The following FRAS1 variants were observed in gnomAD, a reference collection of about 807,000 sequenced individuals.
FRAS1 encodes the protein Fraser extracellular matrix complex subunit 1, also known as extracellular matrix organizing protein FRAS1.
A neutral mutation model predicts 435.2 loss-of-function variants in FRAS1; 290 were observed. The observed-to-expected ratio is 0.67, with a 90% confidence interval of 0.61 to 0.73. FRAS1 has a LOEUF of 0.73. FRAS1 is among the 30% of genes least tolerant of loss of function. The probability of loss-of-function intolerance (pLI) is 0.00; values close to 1 mark genes in which losing one functional copy is unlikely to be tolerated. For synonymous variants in FRAS1, 1,800 were observed against 1,851.0 expected (o/e 0.97, Z 0.71); for missense variants, 4,860 against 5,001.5 (o/e 0.97, Z 0.85).
chr4:78,319,041 T>TG, intron 18 of FRAS1, 55 bp downstream of exon 18: 1 of 1,557,496 alleles, frequency 6.4e-7, no homozygotes, highest in South Asian at 1.1e-5. Flanking sequence ...TCTTGAGAGA[T>TG]CCTGTGAGGT....
chr4:78,511,569 G>A (rs943061009), intron 64 of FRAS1, 63 bp downstream of exon 64: 1 of 1,202,118 alleles, frequency 8.3e-7, no homozygotes, highest in Non-Finnish European at 1.2e-6. Flanking sequence ...TCCTTTGTGT[G>A]TTTCCCAGGA....
chr4:78,533,663 CT>C (rs1245527791), intron 70 of FRAS1, among the ~76,000 whole-genome samples: 1 of 152,194 alleles, frequency 6.6e-6, no homozygotes, highest in South Asian at 2.1e-4. Context: ...GCTGGCACCT[CT>C]TTTTTTGCCT....
At chr4:78,298,276 T>C (rs1728241008) in intron 14 of FRAS1, among the ~76,000 whole-genome samples, 1 of 139,232 alleles carries the variant, frequency 7.2e-6, no homozygotes, top group African/African-American at 2.7e-5. Flanking sequence ...ATTTAAGGTA[T>C]ACAATGTGAT....
chr4:78,495,431 T>C (rs1233413445), intron 59 of FRAS1, among the ~76,000 whole-genome samples: 1 of 152,176 alleles, frequency 6.6e-6, no homozygotes, highest in Non-Finnish European at 1.5e-5. Flanking sequence ...TCATCTTTAC[T>C]ACAAAAATAA....
chr4:78,269,150 G>A (rs532769427), intron 9 of FRAS1, among the ~76,000 whole-genome samples: 2 of 152,274 alleles, frequency 1.3e-5, no homozygotes, highest in Admixed American at 1.3e-4. Flanking sequence ...AAGCCTGGAT[G>A]TACTAACTTC....
At chr4:78,518,737 C>T (rs572992491) in intron 66 of FRAS1, among the ~76,000 whole-genome samples, 1 of 152,280 alleles carries the variant, frequency 6.6e-6, no homozygotes, top group South Asian at 2.1e-4. Context: ...CAGGAAATTA[C>T]TGAAGTACGT....
At chr4:78,536,614 T>C (rs944247369) in intron 71 of FRAS1, among the ~76,000 whole-genome samples, 4 of 152,094 alleles carry the variant, frequency 2.6e-5, no homozygotes, top group Non-Finnish European at 5.9e-5. Context: ...ACCTGGAAAA[T>C]AGTATGAGTT....
chr4:78,100,374 A>C (rs1012987858), intron 2 of FRAS1, among the ~76,000 whole-genome samples: 1 of 152,234 alleles, frequency 6.6e-6, no homozygotes, highest in Non-Finnish European at 1.5e-5. Flanking sequence ...TCAGGCCAAG[A>C]AACAGTCAGT....
At chr4:78,151,259 A>G (rs1720648971) in intron 2 of FRAS1, among the ~76,000 whole-genome samples, 2 of 152,130 alleles carry the variant, frequency 1.3e-5, no homozygotes. Flanking sequence ...CACCTCAGTT[A>G]TACCTTAAAG....
Position 78,340,827 on chromosome 4 carries a change from C to T in FRAS1, c.2422+3010C>T, listed in dbSNP as rs145687054. Among the ~76,000 whole-genome samples, 26 of 152,276 alleles carry T rather than the reference C, an allele frequency of 1.7e-4. No individual in the cohort carries two copies. In the East Asian group the frequency reaches 2.7e-3, roughly 16 times the overall value. On this transcript the variant is annotated intron_variant, in intron 20 of 73. Coordinates refer to ENST00000512123, the MANE Select transcript of FRAS1 (RefSeq NM_025074.7). ...TTGCACATGTGCCCCTGTTTCCCTCCGCATGTCCTAATCTTCTCTTCTTAT... is the reference window on the plus strand; with the variant it reads ...TTGCACATGTGCCCCTGTTTCCCTCTGCATGTCCTAATCTTCTCTTCTTAT...
rs527400634 is a variant in FRAS1 at position 78,176,340 on chromosome 4, C to A, written c.109-61170C>A. Among the ~76,000 whole-genome samples the A allele has an allele frequency of 9.0e-4, 137 of 152,320 alleles. No homozygotes were observed. The Middle Eastern group carries it at 0.02, about 23-fold the overall frequency. ...TCCCTTTTAAAGTGCCTGCAGTAAT[C>A]ATTGCGCCCCTCCCATTGTGAGTAT... is the stretch of plus-strand genomic sequence containing the variant. On this transcript the variant is annotated intron_variant, in intron 2 of 73. Transcript: ENST00000512123.
chr4:78,536,274 A>G (rs187167544), intron 71 of FRAS1, among the ~76,000 whole-genome samples: 1 of 142,226 alleles, frequency 7.0e-6, no homozygotes, highest in East Asian at 2.0e-4. Context: ...ACAAATGCCT[A>G]CTTGTGTTTC....
At chr4:78,488,329 A>G (rs551265864) in intron 58 of FRAS1, among the ~76,000 whole-genome samples, 2 of 152,328 alleles carry the variant, frequency 1.3e-5, no homozygotes, top group African/African-American at 4.8e-5. Flanking sequence ...ATTTGAAAAT[A>G]AGATCTGGCA....
At chr4:78,249,381 G>T (rs184814997) in intron 4 of FRAS1, among the ~76,000 whole-genome samples, 9 of 131,090 alleles carry the variant, frequency 6.9e-5, no homozygotes, top group Non-Finnish European at 1.2e-4. Context: ...CAGTTGCAGT[G>T]GTATGATCTT....
At chr4:78,280,273 A>T (rs191643171) in intron 10 of FRAS1, among the ~76,000 whole-genome samples, 1 of 152,182 alleles carries the variant, frequency 6.6e-6, no homozygotes, top group Non-Finnish European at 1.5e-5. Flanking sequence ...AAGCACTGTG[A>T]TACTGAGACA....
At chr4:78,173,726 T>A (rs1468469228) in intron 2 of FRAS1, among the ~76,000 whole-genome samples, 2 of 152,248 alleles carry the variant, frequency 1.3e-5, no homozygotes, top group African/African-American at 4.8e-5. Context: ...TACTGATTAG[T>A]GTTAAGCACT....
rs558610059 is a variant in FRAS1, at chr4:78,170,842, C to A, written c.109-66668C>A. Among the ~76,000 whole-genome samples, 7 of 152,182 alleles carry A rather than the reference C, an allele frequency of 4.6e-5. No individual in the cohort carries two copies. The South Asian group carries it at 1.5e-3, about 32-fold the overall frequency. Reference sequence around the variant, plus strand: ...TGTCACGGGTGGCCCCACAGTCACACTGCATCCTCAGGTGAAATTGCTCTG... The same window carrying A: ...TGTCACGGGTGGCCCCACAGTCACAATGCATCCTCAGGTGAAATTGCTCTG... On this transcript the variant is annotated intron_variant, in intron 2 of 73. Coordinates refer to ENST00000512123, the MANE Select transcript of FRAS1 (RefSeq NM_025074.7).
rs1177649193 is a variant in FRAS1 at position 78,112,816 on chromosome 4, A to T, written c.108+46800A>T. 2.7e-4 allele frequency among the ~76,000 whole-genome samples: 40 copies of T among 150,940 alleles called. 1 individual carries two copies. The highest frequency in any genetic ancestry group is 2.5e-3 in the East Asian group (13 of 5,122). ...TATTTTTTTAAATTTTTACTTTATT[A>T]TTTATTTATTTATTCATTTTTTTAT... On this transcript the variant is annotated intron_variant, in intron 2 of 73. Coordinates refer to ENST00000512123, the MANE Select transcript of FRAS1 (RefSeq NM_025074.7).
chr4:78,079,315 G>T (rs1010846926), intron 2 of FRAS1, among the ~76,000 whole-genome samples: 1 of 152,150 alleles, frequency 6.6e-6, no homozygotes, highest in East Asian at 1.9e-4. Flanking sequence ...AGTTGAAAGA[G>T]TGAAGAAAAA....
Sources: gnomAD v4.1 joint callset for allele counts (sites outside exome capture counted in the v4.1 genomes callset) on GRCh38, gnomAD v4.1.1 for gene constraint, MANE v1.5 for transcripts, NCBI Gene and HGNC (gene_info 2026-07-23, HGNC 2026-07-21) for gene names.